GSG1L2: variants seen among roughly 807,000 people sequenced by gnomAD.
GSG1L2 encodes the protein GSG1 like 2.
A neutral mutation model predicts 9.0 loss-of-function variants in GSG1L2; 15 were observed. That is an observed-to-expected ratio of 1.67 (90% confidence interval 1.12 to 2.57). The LOEUF (loss-of-function observed/expected upper bound fraction) is 2.57, where lower values mean the gene tolerates loss of function less well. Among genes scored for constraint, GSG1L2 ranks in the 30% most tolerant of loss-of-function variants. The pLI, the probability that GSG1L2 is intolerant of heterozygous loss-of-function variation, is 0.00. For missense variants in GSG1L2, 286 were observed against 150.3 expected (o/e 1.90, Z -4.72); for synonymous variants, 127 against 57.9 (o/e 2.19, Z -5.41).
chr17:9,801,464 C>T lies in GSG1L2; in HGVS notation c.*922G>A, dbSNP rs2066496605. 6.6e-6 allele frequency among the ~76,000 whole-genome samples: 1 copy of T among 152,078 alleles called. No homozygotes were observed. The highest frequency in any genetic ancestry group is 2.1e-4 in the South Asian group (1 of 4,824). Reference sequence around the variant, plus strand: ...CTCCTGACCTCAAGTGATCTGTCTACCTCGGCCTCACAAAGTGCTGGGATT... The same window carrying T: ...CTCCTGACCTCAAGTGATCTGTCTATCTCGGCCTCACAAAGTGCTGGGATT... On this transcript the variant is annotated 3_prime_UTR_variant, in exon 5 of 5. Transcript: ENST00000399363.
chr17:9,810,910 A>T, intron 1 of GSG1L2: 1 of 433,354 alleles, frequency 2.3e-6, no homozygotes, highest in Non-Finnish European at 4.1e-6. Context: ...CTTGCTCTGT[A>T]ATCCCAGAGG....
At position 9,802,097 on chromosome 17, in the gene GSG1L2, T is replaced by C. The variant is rs977912189; in HGVS notation, c.*289A>G. 1.3e-5 allele frequency among the ~76,000 whole-genome samples: 2 copies of C among 152,270 alleles called. No homozygotes were observed. Among genetic ancestry groups the C allele is most frequent in the African/African-American group, 4.8e-5 (2 of 41,486 alleles). ...TTAGTACTGGCATCCTCCCTGTTTCTTTGGTATCCTTATCAAATTCACTGT... is the reference window on the plus strand; with the variant it reads ...TTAGTACTGGCATCCTCCCTGTTTCCTTGGTATCCTTATCAAATTCACTGT... On this transcript the variant is annotated 3_prime_UTR_variant, in exon 5 of 5. Coordinates refer to ENST00000399363, the MANE Select transcript of GSG1L2 (RefSeq NM_001310219.2).
At chr17:9,802,748 G>A (rs946499948) in intron 4 of GSG1L2, 104 bp from the exon 5 acceptor site, 12 of 634,762 alleles carry the variant, frequency 1.9e-5, no homozygotes, top group East Asian at 1.1e-4. Context: ...ACAGCTCCTC[G>A]TTCTACTCAG....
intron 1 of GSG1L2, among the ~76,000 whole-genome samples, chr17:9,815,953 T>C (rs2066557752): frequency 6.6e-6 from 1 of 151,978 alleles, no homozygotes; most frequent in African/African-American, 2.4e-5. Context: ...CGTGGGGAGT[T>C]GGACTAGTGG....
intron 1 of GSG1L2, among the ~76,000 whole-genome samples, chr17:9,811,659 T>G (rs1190643231): frequency 1.3e-5 from 2 of 152,010 alleles, no homozygotes; most frequent in African/African-American, 2.4e-5. Flanking sequence ...GACTGTCGAG[T>G]GGGAGGAGCC....
chr17:9,804,376 T>G (rs1404161709), intron 4 of GSG1L2: 1 of 152,150 alleles, frequency 6.6e-6, no homozygotes. Context: ...AAAGTTTTAT[T>G]CTCTGGAGAA....
intron 1 of GSG1L2, among the ~76,000 whole-genome samples, chr17:9,816,868 G>GTCTGTGTGTGTA (rs1555566423): frequency 2.7e-4 from 39 of 143,330 alleles, no homozygotes; most frequent in African/African-American, 1.1e-3. Flanking sequence ...GTATGTGTGT[G>GTCTGTGTGTGTA]TCTGTGTGTG....
At chr17:9,809,107 C>G in intron 2 of GSG1L2, 125 bp from the exon 3 acceptor site, 1 of 632,998 alleles carries the variant, frequency 1.6e-6, no homozygotes, top group Non-Finnish European at 2.9e-6. Context: ...GAGTGAAAAT[C>G]ACAGATGCCT....
At chr17:9,803,256 C>G (rs546694825) in intron 4 of GSG1L2, among the ~76,000 whole-genome samples, 2 of 152,272 alleles carry the variant, frequency 1.3e-5, no homozygotes, top group East Asian at 3.9e-4. Context: ...GCATGCGCCA[C>G]CACACCCGGC....
chr17:9,810,257 T>C (rs2066534035), intron 2 of GSG1L2: 2 of 434,710 alleles, frequency 4.6e-6, no homozygotes, highest in Middle Eastern at 6.5e-4. Context: ...AGCTCTGTGT[T>C]CATCTTGCAA....
At chr17:9,805,944 G>C (rs1388421869) in intron 4 of GSG1L2, among the ~76,000 whole-genome samples, 1 of 152,164 alleles carries the variant, frequency 6.6e-6, no homozygotes, top group African/African-American at 2.4e-5. Flanking sequence ...ATGGCTGCTT[G>C]TTTTTCAGGA....
chr17:9,819,791 C>T (rs148808778), intron 1 of GSG1L2, among the ~76,000 whole-genome samples: 8 of 152,188 alleles, frequency 5.3e-5, no homozygotes, highest in Admixed American at 3.9e-4. Context: ...CATCACCACG[C>T]CCAGCTATTT....
Position 9,822,045 on chromosome 17 carries a change from C to A in GSG1L2, c.27G>T (p.Ala9=), listed in dbSNP as rs768808404. The part of the protein sequence containing the change: MDRAKQQQ[A]LLLLPVCLAL... ...CGAGGCAGACAGGGAGGAGGAGCAG[C>A]GCCTGCTGCTGCTTGGCCCTGTCCA... Residue 9 remains alanine, a synonymous_variant, in exon 1 of 5, where the codon GCG becomes GCT. Coordinates refer to ENST00000399363, the MANE Select transcript of GSG1L2 (RefSeq NM_001310219.2). 2.3e-5 allele frequency: 16 copies of A among 701,856 alleles called. No homozygotes were observed. The highest frequency in any genetic ancestry group is 2.6e-5 in the Non-Finnish European group (10 of 384,842). 43.5% of individuals were successfully genotyped at this position (701,856 alleles called of 1,614,324 possible).
In GSG1L2 at chr17:9,802,400, C is replaced by T. The variant is rs2066500191; in HGVS notation, c.868G>A (p.Val290Met). 3.0e-6 allele frequency: 2 copies of T among 668,224 alleles called. No individual in the cohort carries two copies. The highest frequency in any genetic ancestry group is 2.2e-5 in the Admixed American group (1 of 46,196). 41.4% of individuals were successfully genotyped at this position (668,224 alleles called of 1,614,324 possible). The change falls in exon 5 of 5, where the codon GTG becomes ATG. Residue 290 changes from valine to methionine, a missense_variant. Val to Met is a conservative substitution (Grantham distance 21). Transcript: ENST00000399363. ...ATGGACACTGGCTAGCATATGGACACCTTGCCTGGGGCGCCTGGTGGGAGG... is the reference window on the plus strand; with the variant it reads ...ATGGACACTGGCTAGCATATGGACATCTTGCCTGGGGCGCCTGGTGGGAGG... ...GHLPPGAPGKVSIC is the reference protein window; with the variant it reads ...GHLPPGAPGKMSIC
At chr17:9,809,209 G>T (rs956864533) in intron 2 of GSG1L2, 2 of 520,792 alleles carry the variant, frequency 3.8e-6, no homozygotes, top group African/African-American at 1.9e-5. Context: ...GCGGTGGGGT[G>T]GGGGCGGGGA....
At chr17:9,809,371 G>C (rs2066529823) in intron 2 of GSG1L2, 1 of 277,464 alleles carries the variant, frequency 3.6e-6, no homozygotes, top group South Asian at 3.9e-5. Flanking sequence ...TTCGCAGTGA[G>C]TGTTACAGCT....
At chr17:9,814,557 G>T (rs978466261) in intron 1 of GSG1L2, among the ~76,000 whole-genome samples, 1 of 152,204 alleles carries the variant, frequency 6.6e-6, no homozygotes, top group African/African-American at 2.4e-5. Flanking sequence ...TAGCTTAGAC[G>T]GGTGAGTTCA....
Position 9,822,052 on chromosome 17 carries a change from T to C in GSG1L2, c.20A>G (p.Gln7Arg). 1.4e-6 allele frequency: 1 copy of C among 701,656 alleles called. No individual in the cohort carries two copies. The highest frequency in any genetic ancestry group is 2.9e-4 in the Middle Eastern group (1 of 3,454). 43.5% of individuals were successfully genotyped at this position (701,656 alleles called of 1,614,324 possible). A position where few individuals can be genotyped will look rare whatever the true frequency, so the allele number is the denominator to read the frequency against. ...GACAGGGAGGAGGAGCAGCGCCTGC[T>C]GCTGCTTGGCCCTGTCCATGGCTGA... MDRAKQQQALLLLPVCL... is the reference protein window; with the variant it reads MDRAKQRQALLLLPVCL... Residue 7 changes from glutamine (Q) to arginine (R), a missense_variant, in exon 1 of 5, where the codon CAG becomes CGG. Physicochemically the swap from Gln to Arg is conservative, Grantham distance 43 (BLOSUM62 1). Transcript: ENST00000399363.
At chr17:9,815,725 G>C (rs1382962327) in intron 1 of GSG1L2, among the ~76,000 whole-genome samples, 1 of 152,212 alleles carries the variant, frequency 6.6e-6, no homozygotes, top group East Asian at 1.9e-4. Context: ...GACATCCAGT[G>C]AGGTACTTAT....
Sources: gnomAD v4.1 joint callset for allele counts (sites outside exome capture counted in the v4.1 genomes callset) on GRCh38, gnomAD v4.1.1 for gene constraint, MANE v1.5 for transcripts, NCBI Gene and HGNC (gene_info 2026-07-23, HGNC 2026-07-21) for gene names.